The following ANKS1B variants were observed in gnomAD, a reference collection of about 807,000 sequenced individuals.
The protein encoded by ANKS1B is ankyrin repeat and sterile alpha motif domain-containing protein 1B.
ANKS1B carries 36 observed loss-of-function variants against 148.3 expected under a neutral mutation model. The observed-to-expected ratio is 0.24, with a 90% confidence interval of 0.19 to 0.32. ANKS1B has a LOEUF of 0.32. ANKS1B is among the 10% of genes least tolerant of loss of function. The pLI is 1.00. For missense variants in ANKS1B, 1,157 were observed against 1,542.6 expected, an observed-to-expected ratio of 0.75 and a Z score of 4.19; for synonymous variants, 542 against 560.8, an observed-to-expected ratio of 0.97 and a Z score of 0.47.
At chr12:98,852,254 A>G (rs2099532744) in intron 17 of ANKS1B, among the ~76,000 whole-genome samples, 1 of 152,146 alleles carries the variant, frequency 6.6e-6, no homozygotes, top group Non-Finnish European at 1.5e-5. Flanking sequence ...GTGGGTGCTC[A>G]ATGAATAGTT....
intron 15 of ANKS1B, among the ~76,000 whole-genome samples, chr12:99,120,310 C>T (rs2062455739): frequency 6.6e-6 from 1 of 152,124 alleles, no homozygotes; most frequent in African/African-American, 2.4e-5. Context: ...TTCTTATCAA[C>T]ATCATAAGGA....
chr12:99,456,885 A>G (rs1461442733), intron 10 of ANKS1B, among the ~76,000 whole-genome samples: 1 of 152,204 alleles, frequency 6.6e-6, no homozygotes, highest in Non-Finnish European at 1.5e-5. Flanking sequence ...CAGCCTTGCT[A>G]GAGATCTAGA....
intron 1 of ANKS1B, among the ~76,000 whole-genome samples, chr12:99,888,086 A>T (rs1018861081): frequency 6.6e-6 from 1 of 152,218 alleles, no homozygotes. Flanking sequence ...GCAGACGTAG[A>T]AAGAGACATA....
chr12:99,648,591 C>G, intron 9 of ANKS1B: 1 of 1,614,194 alleles, frequency 6.2e-7, no homozygotes, highest in Non-Finnish European at 8.5e-7. Context: ...AACAGCTCCA[C>G]CTGAAGCTTG....
intron 10 of ANKS1B, among the ~76,000 whole-genome samples, chr12:99,494,601 C>T (rs1022370235): frequency 5.9e-5 from 9 of 151,500 alleles, no homozygotes; most frequent in Non-Finnish European, 1.2e-4. Flanking sequence ...GGCGTGGTGG[C>T]GGGCGCCTGT....
Position 99,027,615 on chromosome 12 carries a change from T to C in ANKS1B, c.2778+25542A>G, listed in dbSNP as rs17461780. On this transcript the variant is annotated intron_variant, in intron 17 of 26. Coordinates refer to ENST00000683438, the MANE Select transcript of ANKS1B (RefSeq NM_001352186.2). Reference sequence around the variant, plus strand: ...TAAATTAAAGAGGTTGTCAACTCCATGGATGAGAAATTTATGTTAAGGAAC... The same window carrying C: ...TAAATTAAAGAGGTTGTCAACTCCACGGATGAGAAATTTATGTTAAGGAAC... 9.2e-3 allele frequency among the ~76,000 whole-genome samples: 1,406 copies of C among 152,332 alleles called. 10 individuals carry two copies. The highest frequency in any genetic ancestry group is 0.028 in the East Asian group (144 of 5,186).
At chr12:99,257,678 A>T (rs2075430196) in intron 12 of ANKS1B, among the ~76,000 whole-genome samples, 1 of 152,128 alleles carries the variant, frequency 6.6e-6, no homozygotes, top group East Asian at 1.9e-4. Flanking sequence ...TTTTGTTGAT[A>T]TCTACTTATA....
intron 9 of ANKS1B, among the ~76,000 whole-genome samples, chr12:99,556,655 T>A (rs929059967): frequency 2.0e-5 from 3 of 152,198 alleles, no homozygotes; most frequent in African/African-American, 7.2e-5. Context: ...TTTGTTCTCC[T>A]TAGTATCAAA....
intron 15 of ANKS1B, among the ~76,000 whole-genome samples, chr12:99,153,658 C>G (rs888595784): frequency 6.6e-6 from 1 of 152,146 alleles, no homozygotes; most frequent in Non-Finnish European, 1.5e-5. Flanking sequence ...ACCTTTCTTT[C>G]TAAATATTGA....
At chr12:99,479,945 GTTTGA>G (rs771340433) in intron 10 of ANKS1B, among the ~76,000 whole-genome samples, 1 of 151,668 alleles carries the variant, frequency 6.6e-6, no homozygotes, top group African/African-American at 2.4e-5. Flanking sequence ...ATGTTAATTA[GTTTGA>G]TTTATCCATT....
At chr12:99,596,187 T>G (rs1178114820) in intron 9 of ANKS1B, among the ~76,000 whole-genome samples, 1 of 151,826 alleles carries the variant, frequency 6.6e-6, no homozygotes, top group Non-Finnish European at 1.5e-5. Context: ...ATTTCCTATC[T>G]CAGTTTTGGA....
intron 9 of ANKS1B, among the ~76,000 whole-genome samples, chr12:99,588,363 A>T (rs1000403454): frequency 5.9e-5 from 9 of 152,254 alleles, no homozygotes; most frequent in Admixed American, 5.2e-4. Context: ...AAAGTCTATG[A>T]TGATTAATAA....
At chr12:98,740,275 C>T (rs564791824), downstream of ANKS1B, among the ~76,000 whole-genome samples, 2 of 152,248 alleles carry the variant, frequency 1.3e-5, no homozygotes, top group African/African-American at 4.8e-5. Context: ...CGGGTGATTC[C>T]AGTGTGCAGT....
intron 12 of ANKS1B, among the ~76,000 whole-genome samples, chr12:99,366,456 G>A (rs2152450463): frequency 6.6e-6 from 1 of 152,066 alleles, no homozygotes. Flanking sequence ...TCCCTGTGTT[G>A]TAAACCTCTA....
In ANKS1B at chr12:98,745,807, A is replaced by T; in HGVS notation, c.3790T>A (p.Trp1264Arg). 6.2e-7 allele frequency: 1 copy of T among 1,613,572 alleles called. No homozygotes were observed. The highest frequency in any genetic ancestry group is 8.5e-7 in the Non-Finnish European group (1 of 1,179,714). The change falls in exon 27 of 27, where the codon TGG (tryptophan) becomes AGG (arginine). Residue 1264 changes from tryptophan (W) to arginine (R), a missense_variant. Around this residue, in one of 6 missense-constraint regions of ANKS1B, gnomAD observed 46 missense variants for 62.0 expected, o/e 0.74. Coordinates refer to ENST00000683438, the MANE Select transcript of ANKS1B (RefSeq NM_001352186.2). ...SEQKTLANLP[W>R]IVEPGQEAKR... is the part of the protein sequence containing the mutation. ...GCTTCTTGGCCCGGCTCCACAATCC[A>T]CGGTAGATTGGCCAGAGTCTTTTGC... is the stretch of plus-strand genomic sequence containing the variant.
intron 10 of ANKS1B, among the ~76,000 whole-genome samples, chr12:99,478,445 A>G (rs529428107): frequency 7.2e-5 from 11 of 152,164 alleles, no homozygotes; most frequent in African/African-American, 2.6e-4. Flanking sequence ...TTAGTAATAT[A>G]TATTTATGAA....
intron 16 of ANKS1B, among the ~76,000 whole-genome samples, chr12:99,066,195 A>C (rs1272365549): frequency 6.6e-6 from 1 of 152,144 alleles, no homozygotes; most frequent in Non-Finnish European, 1.5e-5. Flanking sequence ...ATGTGCCTGT[A>C]ATCCCAGCTA....
intron 14 of ANKS1B, among the ~76,000 whole-genome samples, chr12:99,165,629 T>TA (rs1182865713): frequency 3.3e-5 from 5 of 151,880 alleles, no homozygotes; most frequent in Admixed American, 1.3e-4. Flanking sequence ...TATTTGCAGT[T>TA]AAAATCTTTA....
chr12:99,783,190 C>CA (rs766608067), intron 4 of ANKS1B, among the ~76,000 whole-genome samples: 2,571 of 61,830 alleles, frequency 0.042, 35 homozygotes, highest in East Asian at 0.11. Flanking sequence ...GAATCCATCG[C>CA]AAAAAAAAAA....
Sources: allele counts gnomAD v4.1 joint callset (sites outside exome capture counted in the v4.1 genomes callset), GRCh38; gene constraint gnomAD v4.1.1; regional missense constraint gnomAD v4.1.1; transcripts MANE v1.5; gene names NCBI Gene and HGNC (gene_info 2026-07-23, HGNC 2026-07-21).